The following THSD7A variants were observed in gnomAD, a reference collection of about 807,000 sequenced individuals.
The protein encoded by THSD7A is thrombospondin type 1 domain containing 7A.
In THSD7A, 96 loss-of-function variants were observed where a neutral mutation model predicts 231.3. The observed-to-expected ratio is 0.41, with a 90% CI of 0.35 to 0.49. The LOEUF (loss-of-function observed/expected upper bound fraction) is 0.49, where lower values mean the gene tolerates loss of function less well. THSD7A is among the 20% of genes least tolerant of loss of function. The pLI is 0.05. For synonymous variants in THSD7A, 940 were observed against 743.3 expected, an observed-to-expected ratio of 1.26 and a Z score of -4.30; for missense variants, 2,290 against 2,070.2, an observed-to-expected ratio of 1.11 and a Z score of -2.06.
At chr7:11,581,394 C>A (rs1310738376) in intron 4 of THSD7A, among the ~76,000 whole-genome samples, 1 of 152,018 alleles carries the variant, frequency 6.6e-6, no homozygotes, top group African/African-American at 2.4e-5. Flanking sequence ...ATTAGTACAT[C>A]ATCCATGACT....
At chr7:11,652,701 T>TA (rs1782549742) in intron 1 of THSD7A, among the ~76,000 whole-genome samples, 1 of 151,994 alleles carries the variant, frequency 6.6e-6, no homozygotes, top group Non-Finnish European at 1.5e-5. Flanking sequence ...ACTTTTAAAA[T>TA]AAAAATGGTT....
chr7:11,749,511 T>C (rs752659170), intron 1 of THSD7A, among the ~76,000 whole-genome samples: 30 of 152,006 alleles, frequency 2.0e-4, no homozygotes, highest in Middle Eastern at 6.3e-3. Flanking sequence ...CCCAAATGTG[T>C]ATGTTTGACT....
intron 1 of THSD7A, among the ~76,000 whole-genome samples, chr7:11,734,180 T>A (rs1271172085): frequency 1.3e-5 from 2 of 151,918 alleles, no homozygotes; most frequent in African/African-American, 4.8e-5. Flanking sequence ...TAGTGTTATT[T>A]CTGTAGTTAA....
At chr7:11,772,213 A>AC (rs75127730) in intron 1 of THSD7A, among the ~76,000 whole-genome samples, 24,064 of 151,928 alleles carry the variant, frequency 0.16, 2,420 homozygotes, top group Admixed American at 0.26. Context: ...TAAAACAAAA[A>AC]AAAACAAAAC....
chr7:11,403,806 A>G (rs1783491908), intron 22 of THSD7A, among the ~76,000 whole-genome samples: 1 of 152,240 alleles, frequency 6.6e-6, no homozygotes, highest in Non-Finnish European at 1.5e-5. Context: ...CCCTTGTCCT[A>G]AACACACTTT....
chr7:11,664,603 C>A (rs1316657836), intron 1 of THSD7A, among the ~76,000 whole-genome samples: 1 of 151,884 alleles, frequency 6.6e-6, no homozygotes, highest in African/African-American at 2.4e-5. Flanking sequence ...TGGCCATCAA[C>A]CATAATATCA....
intron 4 of THSD7A, among the ~76,000 whole-genome samples, chr7:11,555,678 T>C (rs1583965966): frequency 6.6e-6 from 1 of 151,864 alleles, no homozygotes. Context: ...ACTACAATTA[T>C]CTATTTGTCA....
At chr7:11,571,851 A>G (rs1790647866) in intron 4 of THSD7A, among the ~76,000 whole-genome samples, 2 of 151,672 alleles carry the variant, frequency 1.3e-5, no homozygotes, top group Non-Finnish European at 2.9e-5. Flanking sequence ...TATCTTTCAG[A>G]AATTTGAGTA....
chr7:11,416,903 G>A (rs1393250745), intron 17 of THSD7A, among the ~76,000 whole-genome samples: 2 of 152,176 alleles, frequency 1.3e-5, no homozygotes, highest in Non-Finnish European at 2.9e-5. Flanking sequence ...GAGACACAGA[G>A]TCAGTGTGTA....
chr7:11,753,786 G>A (rs1285771847), intron 1 of THSD7A, among the ~76,000 whole-genome samples: 1 of 151,792 alleles, frequency 6.6e-6, no homozygotes, highest in East Asian at 2.0e-4. Flanking sequence ...GAGAGAGAGA[G>A]AGACAGAGAG....
rs137898692 is a variant in THSD7A, at chr7:11,772,558, T to G, written c.190+59199A>C. On this transcript the variant is annotated intron_variant, in intron 1 of 27. Coordinates refer to ENST00000423059, the MANE Select transcript of THSD7A (RefSeq NM_015204.3). ...TATGTACCCATAAAAAAAGAAATCA[T>G]GTCCTTTACATGGATGCAGCTGGAG... Among the ~76,000 whole-genome samples, 474 of 152,270 alleles carry G rather than the reference T, an allele frequency of 3.1e-3. 3 individuals carry two copies. Among genetic ancestry groups the G allele is most frequent in the African/African-American group, 0.011 (450 of 41,566 alleles).
Position 11,374,263 on chromosome 7 carries a change from GT to G in THSD7A, c.*1530del, listed in dbSNP as rs1169520132. On this transcript the variant is annotated 3_prime_UTR_variant, in exon 28 of 28. Transcript: ENST00000423059. ...ATTAGCAGAATGGCAAAGTTGAGAA[GT>G]TGCAACATAGACCTTGTGGAAAATA... 1 of 152,140 alleles carries G rather than the reference GT, an allele frequency of 6.6e-6. No individual in the cohort carries two copies. Among genetic ancestry groups the G allele is most frequent in the Non-Finnish European group, 1.5e-5 (1 of 68,000 alleles). 9.4% of individuals were successfully genotyped at this position (152,140 alleles called of 1,614,324 possible). A position where few individuals can be genotyped will look rare whatever the true frequency, so the allele number is the denominator to read the frequency against.
At chr7:11,657,126 T>C (rs908906656) in intron 1 of THSD7A, among the ~76,000 whole-genome samples, 3 of 151,836 alleles carry the variant, frequency 2.0e-5, no homozygotes, top group Non-Finnish European at 4.4e-5. Context: ...CTCTTTGCCA[T>C]GTATCCTATT....
At chr7:11,717,131 T>C (rs1318131719) in intron 1 of THSD7A, among the ~76,000 whole-genome samples, 1 of 149,280 alleles carries the variant, frequency 6.7e-6, no homozygotes, top group Non-Finnish European at 1.5e-5. Flanking sequence ...ATAGTGCTAA[T>C]TGACTTTATG....
chr7:11,499,723 C>G (rs937941389), intron 6 of THSD7A, among the ~76,000 whole-genome samples: 1 of 152,106 alleles, frequency 6.6e-6, no homozygotes, highest in Non-Finnish European at 1.5e-5. Context: ...AATCTCAGAA[C>G]TTGAAGACTG....
chr7:11,415,415 C>G (rs902828449), intron 17 of THSD7A, among the ~76,000 whole-genome samples: 1 of 152,204 alleles, frequency 6.6e-6, no homozygotes, highest in African/African-American at 2.4e-5. Context: ...CCAATTGTAA[C>G]TTTAGGTCTA....
intron 1 of THSD7A, among the ~76,000 whole-genome samples, chr7:11,710,519 C>T (rs1780918827): frequency 6.6e-6 from 1 of 150,748 alleles, no homozygotes; most frequent in East Asian, 2.0e-4. Flanking sequence ...GAAGTAGAGG[C>T]CAGAATTATT....
intron 13 of THSD7A, among the ~76,000 whole-genome samples, chr7:11,434,763 GA>G (rs200504369): frequency 0.055 from 8,124 of 148,360 alleles, 212 homozygotes; most frequent in Admixed American, 0.068. Context: ...GGAAAAAGTT[GA>G]AAAAAAAAAT....
chr7:11,715,776 T>C (rs935065426), intron 1 of THSD7A, among the ~76,000 whole-genome samples: 1 of 151,462 alleles, frequency 6.6e-6, no homozygotes, highest in African/African-American at 2.4e-5. Context: ...AAGGGTCTAT[T>C]TTCCCTCCTT....
Sources: gnomAD v4.1 joint callset for allele counts (sites outside exome capture counted in the v4.1 genomes callset) on GRCh38, gnomAD v4.1.1 for gene constraint, MANE v1.5 for transcripts, NCBI Gene and HGNC (gene_info 2026-07-23, HGNC 2026-07-21) for gene names.